Variants in HELLS observed in about 807,000 individuals in gnomAD.
HELLS encodes the protein lymphoid-specific helicase.
A neutral mutation model predicts 120.0 loss-of-function variants in HELLS; 32 were observed. That is an observed-to-expected ratio of 0.27 (90% CI 0.20 to 0.36). The LOEUF (loss-of-function observed/expected upper bound fraction) is 0.36. HELLS is among the 10% of genes least tolerant of loss of function. The pLI is 1.00. For synonymous variants in HELLS, 341 were observed against 323.4 expected, an observed-to-expected ratio of 1.05 and a Z score of -0.58; for missense variants, 650 against 993.4, an observed-to-expected ratio of 0.65 and a Z score of 4.65.
At position 94,576,602 on chromosome 10, in the gene HELLS, A is replaced by C. The variant is rs1227840592; in HGVS notation, c.889-60A>C. On this transcript the variant is annotated intron_variant, in intron 9 of 21. Coordinates refer to ENST00000348459, the MANE Select transcript of HELLS (RefSeq NM_018063.5). ...CCCTCAGAATGATTTATATTTTCTA[A>C]ATAGTCAATATTTACATTTTGTTCT... 1.2e-5 allele frequency: 10 copies of C among 865,142 alleles called. No individual in the cohort carries two copies. In the East Asian group the frequency reaches 2.0e-4, roughly 17 times the overall value. 53.6% of individuals were successfully genotyped at this position (865,142 alleles called of 1,614,324 possible). A position where few individuals can be genotyped will look rare whatever the true frequency, so the allele number is the denominator to read the frequency against.
chr10:94,558,636 C>T (rs773485706), intron 4 of HELLS, among the ~76,000 whole-genome samples: 50 of 151,972 alleles, frequency 3.3e-4, no homozygotes, highest in Non-Finnish European at 6.2e-4. Flanking sequence ...GGGACTCGCT[C>T]TGTCACCCAG....
intron 12 of HELLS, among the ~76,000 whole-genome samples, chr10:94,585,368 TTTTTTTGTTTG>T (rs1845074894): frequency 7.0e-6 from 1 of 142,454 alleles, no homozygotes; most frequent in Non-Finnish European, 1.5e-5. Flanking sequence ...TTTTGTTTTT[TTTTTTTGTTTG>T]TTTTTGTTTT....
chr10:94,549,750 T>G (rs930362875), intron 2 of HELLS, among the ~76,000 whole-genome samples: 8 of 152,202 alleles, frequency 5.3e-5, no homozygotes, highest in Non-Finnish European at 1.0e-4. Context: ...GGAGTTGCAA[T>G]TTACCGTAAT....
In HELLS at chr10:94,609,421, G is replaced by A. The variant is rs556361070; in HGVS notation, c.*2-432G>A. Among the ~76,000 whole-genome samples the A allele has an allele frequency of 5.3e-5, 8 of 152,116 alleles. No homozygotes were observed. The South Asian group carries it at 1.5e-3, about 28-fold the overall frequency. On this transcript the variant is annotated intron_variant, in intron 9 of 9. Coordinates refer to the HELLS transcript ENST00000371327. Reference sequence around the variant, plus strand: ...TCAGGGTGATTCACTTTCATAATCCGTATTACCATGGATTAATTCTGCATA... The same window carrying A: ...TCAGGGTGATTCACTTTCATAATCCATATTACCATGGATTAATTCTGCATA...
chr10:94,611,683 C>T (rs752400650), exon 10 of HELLS: 19 of 152,184 alleles, frequency 1.2e-4, no homozygotes, highest in Middle Eastern at 3.4e-3. Context: ...GGTATTTTCC[C>T]GGTTTGTAGG....
Position 94,550,484 on chromosome 10 carries a change from A to G in HELLS, c.154-3642A>G, listed in dbSNP as rs994424930. Among the ~76,000 whole-genome samples the G allele has an allele frequency of 5.3e-5, 8 of 151,648 alleles. No individual in the cohort carries two copies. In the East Asian group the frequency reaches 1.4e-3, roughly 26 times the overall value. ...TTTAGTAAAGACGGGGTTTCAACAT[A>G]TTGGCCGGCCTGGTCTCAAACTCCT... is the stretch of plus-strand genomic sequence containing the variant. On this transcript the variant is annotated intron_variant, in intron 2 of 21. Coordinates refer to ENST00000348459, the MANE Select transcript of HELLS (RefSeq NM_018063.5).
chr10:94,585,240 C>T lies in HELLS; in HGVS notation c.1326+2181C>T, dbSNP rs181287320. 1.6e-3 allele frequency among the ~76,000 whole-genome samples: 239 copies of T among 151,434 alleles called. 1 individual carries two copies. The highest frequency in any genetic ancestry group is 2.8e-3 in the Non-Finnish European group (187 of 67,822). On this transcript the variant is annotated intron_variant, in intron 12 of 21. Coordinates refer to ENST00000348459, the MANE Select transcript of HELLS (RefSeq NM_018063.5). Reference sequence around the variant, plus strand: ...TTTTTATTTTAAAATTATGCGTACACGGTAAGATATTTTTAAATGTTATAA... The same window carrying T: ...TTTTTATTTTAAAATTATGCGTACATGGTAAGATATTTTTAAATGTTATAA...
chr10:94,577,039 T>A, intron 10 of HELLS: 1 of 594,616 alleles, frequency 1.7e-6, no homozygotes, highest in South Asian at 1.7e-5. Context: ...ACCTATGGCT[T>A]AGAATCATCC....
At chr10:94,548,826 T>C (rs1253746136) in intron 2 of HELLS, among the ~76,000 whole-genome samples, 1 of 152,112 alleles carries the variant, frequency 6.6e-6, no homozygotes, top group Non-Finnish European at 1.5e-5. Flanking sequence ...AAACCCCGTC[T>C]CTACTAAAAA....
chr10:94,574,962 T>G (rs939211647), intron 9 of HELLS, among the ~76,000 whole-genome samples: 1 of 152,196 alleles, frequency 6.6e-6, no homozygotes, highest in African/African-American at 2.4e-5. Flanking sequence ...TGATTTTCAG[T>G]GCATTGGTAA....
At chr10:94,580,434 G>A (rs954824242) in intron 10 of HELLS, among the ~76,000 whole-genome samples, 7 of 151,550 alleles carry the variant, frequency 4.6e-5, no homozygotes, top group Non-Finnish European at 8.8e-5. Flanking sequence ...CGTCTGCCTC[G>A]GCCTCCCAAA....
chr10:94,588,441 C>A, intron 13 of HELLS, 51 bp downstream of exon 13: 1 of 1,373,168 alleles, frequency 7.3e-7, no homozygotes, highest in South Asian at 1.6e-5. Flanking sequence ...TATAAAATTT[C>A]TCTTTTTTCC....
chr10:94,606,320 G>C (rs1177987121), downstream of HELLS, among the ~76,000 whole-genome samples: 1 of 151,850 alleles, frequency 6.6e-6, no homozygotes, highest in Non-Finnish European at 1.5e-5. Context: ...TTTGTCTTTT[G>C]AATGTGTGGT....
chr10:94,555,360 C>A (rs1015751320), intron 3 of HELLS, among the ~76,000 whole-genome samples: 1 of 152,098 alleles, frequency 6.6e-6, no homozygotes, highest in African/African-American at 2.4e-5. Context: ...TCGCTTGAAC[C>A]CAGGAGGCGG....
At chr10:94,575,434 A>AAT (rs1393118119) in intron 9 of HELLS, among the ~76,000 whole-genome samples, 1 of 151,118 alleles carries the variant, frequency 6.6e-6, no homozygotes, top group South Asian at 2.1e-4. Flanking sequence ...CCTTATGAGA[A>AAT]ATATATATAT....
rs746750149 is a variant in HELLS at position 94,562,798 on chromosome 10, AT to A, written c.371-5del. The A allele has an allele frequency of 7.5e-5, 115 of 1,529,138 alleles. No homozygotes were observed. The highest frequency in any genetic ancestry group is 3.5e-4 in the Middle Eastern group (2 of 5,706). The allele number at this position is 1,529,138 out of a possible 1,614,324, so 94.7% of individuals were successfully genotyped here. A position where few individuals can be genotyped will look rare whatever the true frequency, so the allele number is the denominator to read the frequency against. On this transcript the variant is annotated splice_polypyrimidine_tract_variant and intron_variant, in intron 5 of 21. Transcript: ENST00000348459. ...TATTTTAATTGCTATCAAAAATAAA[AT>A]TTTTTTTTATAGTTATGAGGAAAAA... is the stretch of plus-strand genomic sequence containing the variant.
At chr10:94,547,132 G>A (rs1380269691) in intron 2 of HELLS, among the ~76,000 whole-genome samples, 2 of 152,170 alleles carry the variant, frequency 1.3e-5, no homozygotes, top group African/African-American at 4.8e-5. Flanking sequence ...ACTAAAAACA[G>A]TTTTTAACCT....
Position 94,581,484 on chromosome 10 carries a change from A to C in HELLS, c.1191A>C (p.Leu397=). The change falls in exon 11 of 22, where the codon CTA becomes CTC. Residue 397 remains leucine, a synonymous_variant. Transcript: ENST00000348459. ...ATTTATCAGAACTTTGGTCATTGCT[A>C]AACTTTTTGTTGCCAGATGTATTTG... ...QNNLSELWSL[L]NFLLPDVFDD... is the part of the protein sequence containing the mutation. 6.2e-7 allele frequency: 1 copy of C among 1,610,246 alleles called. No homozygotes were observed. The highest frequency in any genetic ancestry group is 8.5e-7 in the Non-Finnish European group (1 of 1,178,928).
chr10:94,555,398 C>T (rs1392425407), intron 3 of HELLS, among the ~76,000 whole-genome samples: 1 of 152,068 alleles, frequency 6.6e-6, no homozygotes, highest in Non-Finnish European at 1.5e-5. Flanking sequence ...GATTGCACCC[C>T]TGGACTCCAG....
Sources: allele counts gnomAD v4.1 joint callset (sites outside exome capture counted in the v4.1 genomes callset), GRCh38; gene constraint gnomAD v4.1.1; transcripts MANE v1.5; gene names NCBI Gene and HGNC (gene_info 2026-07-23, HGNC 2026-07-21).